Variants in ACOXL observed in about 807,000 individuals in gnomAD.
ACOXL encodes acyl-coenzyme A oxidase-like protein.
A neutral mutation model predicts 71.9 loss-of-function variants in ACOXL; 70 were observed. The ratio of observed to expected loss-of-function variants is 0.97; its 90% CI spans 0.80 to 1.19. ACOXL has a LOEUF of 1.19. Among genes scored for constraint, ACOXL ranks in the 50% most tolerant of loss-of-function variants. The pLI, the probability that ACOXL is intolerant of heterozygous loss-of-function variation, is 0.00. For synonymous variants in ACOXL, 253 were observed against 281.6 expected (o/e 0.90, Z 1.02); for missense variants, 703 against 736.3 (o/e 0.95, Z 0.52).
intron 10 of ACOXL, among the ~76,000 whole-genome samples, chr2:110,902,127 T>C (rs1248411342): frequency 6.6e-6 from 1 of 152,020 alleles, no homozygotes; most frequent in Non-Finnish European, 1.5e-5. Context: ...TGTTTCAGTG[T>C]AGGATTGCTC....
intron 10 of ACOXL, among the ~76,000 whole-genome samples, chr2:110,875,636 C>G (rs1695807225): frequency 6.6e-6 from 1 of 152,120 alleles, no homozygotes; most frequent in Admixed American, 6.5e-5. Context: ...CACCTCGATC[C>G]TATCATTCCA....
intron 12 of ACOXL, among the ~76,000 whole-genome samples, chr2:110,940,267 C>CA (rs1175728169): frequency 6.6e-6 from 1 of 152,158 alleles, no homozygotes; most frequent in Non-Finnish European, 1.5e-5. Context: ...ACTCACTGAT[C>CA]AAACAGAAAG....
chr2:111,042,230 T>C (rs1227632228), intron 15 of ACOXL, among the ~76,000 whole-genome samples: 1 of 152,268 alleles, frequency 6.6e-6, no homozygotes, highest in African/African-American at 2.4e-5. Context: ...TTAGTCTTAG[T>C]ATAGACTCAC....
chr2:110,929,690 A>T (rs2149327142), intron 11 of ACOXL, among the ~76,000 whole-genome samples: 1 of 152,350 alleles, frequency 6.6e-6, no homozygotes, highest in African/African-American at 2.4e-5. Context: ...AAATGGTCTC[A>T]TGGGCCAGGC....
intron 12 of ACOXL, among the ~76,000 whole-genome samples, chr2:110,935,615 C>A (rs1205745006): frequency 6.6e-6 from 1 of 152,240 alleles, no homozygotes; most frequent in African/African-American, 2.4e-5. Context: ...CCCAGGCACG[C>A]TGCCTCACAG....
At chr2:111,097,555 G>C (rs1181895552) in intron 17 of ACOXL, among the ~76,000 whole-genome samples, 2 of 152,156 alleles carry the variant, frequency 1.3e-5, no homozygotes, top group Non-Finnish European at 2.9e-5. Flanking sequence ...CTGATTTTAG[G>C]GCTGGCCAGT....
chr2:111,082,407 A>G (rs964116730), intron 16 of ACOXL, among the ~76,000 whole-genome samples: 3 of 152,220 alleles, frequency 2.0e-5, no homozygotes, highest in Admixed American at 6.5e-5. Flanking sequence ...TTATGTGACC[A>G]ACAAACGTGA....
chr2:110,846,647 A>G (rs1213016927), intron 10 of ACOXL, among the ~76,000 whole-genome samples: 14 of 149,026 alleles, frequency 9.4e-5, no homozygotes, highest in African/African-American at 2.6e-4. Flanking sequence ...ACACGCACAC[A>G]CACACACACA....
chr2:110,950,399 T>C (rs111423999), intron 12 of ACOXL, among the ~76,000 whole-genome samples: 1 of 152,218 alleles, frequency 6.6e-6, no homozygotes, highest in Non-Finnish European at 1.5e-5. Context: ...GGATAATCCA[T>C]TTTATTTGGC....
chr2:111,018,645 C>T (rs1024962763), intron 14 of ACOXL, among the ~76,000 whole-genome samples: 4 of 151,742 alleles, frequency 2.6e-5, no homozygotes, highest in African/African-American at 7.3e-5. Context: ...ATTCAAAGGC[C>T]GTAGTAACCA....
intron 12 of ACOXL, among the ~76,000 whole-genome samples, chr2:110,973,270 C>G (rs1378966322): frequency 2.0e-5 from 3 of 152,190 alleles, no homozygotes; most frequent in African/African-American, 4.8e-5. Context: ...CTGGAGAATG[C>G]AAAGCATGGA....
At chr2:110,856,783 T>G (rs1693304704) in intron 10 of ACOXL, among the ~76,000 whole-genome samples, 1 of 152,196 alleles carries the variant, frequency 6.6e-6, no homozygotes, top group South Asian at 2.1e-4. Flanking sequence ...TAGTGGAGTT[T>G]TGGAATGTAT....
chr2:110,934,235 G>A (rs937595430), intron 12 of ACOXL, among the ~76,000 whole-genome samples: 5 of 152,192 alleles, frequency 3.3e-5, no homozygotes, highest in South Asian at 4.1e-4. Flanking sequence ...CCCATGCGGG[G>A]GTCCAGAGCC....
chr2:110,772,669 C>T (rs940690048), intron 2 of ACOXL, among the ~76,000 whole-genome samples: 2 of 152,152 alleles, frequency 1.3e-5, no homozygotes, highest in East Asian at 1.9e-4. Context: ...TGGTTTTTAT[C>T]CCCATGATCC....
At position 110,774,189 on chromosome 2, in the gene ACOXL, G is replaced by A. The variant is rs144551993; in HGVS notation, c.75+5725G>A. ...CGTTCATTTTATAATTGTTTATTGAGCACCTACAGTGAGCCAGGCATTGCT... is the reference window on the plus strand; with the variant it reads ...CGTTCATTTTATAATTGTTTATTGAACACCTACAGTGAGCCAGGCATTGCT... On this transcript the variant is annotated intron_variant, in intron 2 of 17. Coordinates refer to ENST00000439055, the MANE Select transcript of ACOXL (RefSeq NM_001142807.4). Among the ~76,000 whole-genome samples, 722 of 152,212 alleles carry A rather than the reference G, an allele frequency of 4.7e-3. 3 individuals carry two copies. Among genetic ancestry groups the A allele is most frequent in the African/African-American group, 0.016 (685 of 41,524 alleles).
chr2:110,818,501 G>GTA (rs1234651181), intron 9 of ACOXL, among the ~76,000 whole-genome samples: 97 of 70,374 alleles, frequency 1.4e-3, no homozygotes, highest in African/African-American at 4.3e-3. Context: ...ATGTGTATGT[G>GTA]TATATATATA....
At chr2:110,877,584 C>T (rs1012656321) in intron 10 of ACOXL, among the ~76,000 whole-genome samples, 2 of 152,210 alleles carry the variant, frequency 1.3e-5, no homozygotes, top group Non-Finnish European at 2.9e-5. Context: ...ATGCAGCTCA[C>T]AAACCCACAG....
At chr2:110,810,386 C>T (rs971497826) in intron 9 of ACOXL, among the ~76,000 whole-genome samples, 13 of 152,148 alleles carry the variant, frequency 8.5e-5, no homozygotes, top group African/African-American at 2.9e-4. Flanking sequence ...CTAGTAGAGC[C>T]CTACATGTCA....
chr2:110,961,146 C>T lies in ACOXL; in HGVS notation c.1060-25962C>T, dbSNP rs140624318. Among the ~76,000 whole-genome samples the T allele has an allele frequency of 9.8e-5, 15 of 152,334 alleles. No individual in the cohort carries two copies. The East Asian group carries it at 1.7e-3, about 18-fold the overall frequency. On this transcript the variant is annotated intron_variant, in intron 12 of 17. Coordinates refer to ENST00000439055, the MANE Select transcript of ACOXL (RefSeq NM_001142807.4). ...CATGTGGTTGGACTTTGATTTTTCT[C>T]GTTGCCATTTCATTTTCAGCTCCCT...
Sources: gnomAD v4.1 joint callset for allele counts (sites outside exome capture counted in the v4.1 genomes callset) on GRCh38, gnomAD v4.1.1 for gene constraint, MANE v1.5 for transcripts, NCBI Gene and HGNC (gene_info 2026-07-23, HGNC 2026-07-21) for gene names.